Variants in POLA1 observed in about 807,000 individuals in gnomAD.
The protein encoded by POLA1 is DNA polymerase alpha catalytic subunit.
Under a neutral mutation model 124.0 loss-of-function variants are expected in POLA1, and 15 were observed. The observed-to-expected ratio is 0.12, with a 90% CI of 0.08 to 0.19. The LOEUF is 0.19. Among genes scored for constraint, POLA1 ranks in the 10% least tolerant of loss-of-function variants. POLA1 has a pLI of 1.00. For synonymous variants in POLA1, 408 were observed against 389.4 expected (o/e 1.05, Z -0.56); for missense variants, 886 against 1,103.4 (o/e 0.80, Z 2.79).
intron 18 of POLA1, among the ~76,000 whole-genome samples, 192 bp from the exon 19 acceptor site, chrX:24,737,433 A>G: frequency 8.9e-6 from 1 of 112,042 alleles, no homozygotes; most frequent in South Asian, 3.8e-4. Context: ...AGCCTTGTTA[A>G]TGTCAAGGCT....
chrX:24,867,117 T>C (rs1475718934), intron 34 of POLA1, among the ~76,000 whole-genome samples: 2 of 111,626 alleles, frequency 1.8e-5, no homozygotes, highest in Non-Finnish European at 3.8e-5. Context: ...AGTGATTTAT[T>C]GTTTTGACAT....
chrX:24,809,122 T>G (rs1002596204), intron 26 of POLA1, among the ~76,000 whole-genome samples: 7 of 111,112 alleles, frequency 6.3e-5, no homozygotes, highest in Admixed American at 3.8e-4. Flanking sequence ...ATGCACAAGG[T>G]GTTCCTTGCA....
intron 36 of POLA1, among the ~76,000 whole-genome samples, chrX:24,972,454 G>C (rs2048315508): frequency 9.0e-6 from 1 of 111,694 alleles, no homozygotes; most frequent in South Asian, 3.8e-4. Flanking sequence ...CATACCTAGA[G>C]TTTTAGATGT....
intron 34 of POLA1, among the ~76,000 whole-genome samples, chrX:24,855,386 AACAG>A (rs2046630253): frequency 1.8e-5 from 2 of 111,890 alleles, no homozygotes; most frequent in Non-Finnish European, 3.8e-5. Flanking sequence ...CAAGATACAG[AACAG>A]GGTCATACTT....
intron 26 of POLA1, among the ~76,000 whole-genome samples, chrX:24,803,322 A>G (rs781092881): frequency 9.0e-6 from 1 of 111,478 alleles, no homozygotes; most frequent in Non-Finnish European, 1.9e-5. Flanking sequence ...TACTCATACT[A>G]CTGATGAAAT....
At chrX:24,891,105 G>A (rs1365381445) in intron 35 of POLA1, among the ~76,000 whole-genome samples, 1 of 112,401 alleles carries the variant, frequency 8.9e-6, no homozygotes, top group Non-Finnish European at 1.9e-5. Context: ...GATACATTTC[G>A]AGGATGATGT....
At chrX:24,874,021 A>G (rs2046901509) in intron 34 of POLA1, among the ~76,000 whole-genome samples, 1 of 111,786 alleles carries the variant, frequency 8.9e-6, no homozygotes, top group Non-Finnish European at 1.9e-5. Context: ...AGTAGCATAG[A>G]TGTAGTATGT....
intron 36 of POLA1, among the ~76,000 whole-genome samples, chrX:24,955,630 C>G (rs893912515): frequency 6.2e-5 from 7 of 112,243 alleles, no homozygotes; most frequent in African/African-American, 2.3e-4. Flanking sequence ...CCCCATTGTT[C>G]ATAGCTTTAT....
intron 36 of POLA1, among the ~76,000 whole-genome samples, chrX:24,979,266 T>G (rs2048396971): frequency 8.9e-6 from 1 of 112,285 alleles, no homozygotes; most frequent in Non-Finnish European, 1.9e-5. Context: ...TGTTGCTGAC[T>G]GAGTCATACC....
intron 31 of POLA1, among the ~76,000 whole-genome samples, chrX:24,823,415 T>C (rs2046121026): frequency 9.1e-6 from 1 of 109,414 alleles, no homozygotes; most frequent in African/African-American, 3.3e-5. Flanking sequence ...TTTTTTTTTT[T>C]TTTTGAGATG....
chrX:24,805,964 A>G (rs1247518673), intron 26 of POLA1, among the ~76,000 whole-genome samples: 1 of 99,596 alleles, frequency 1.0e-5, no homozygotes, highest in African/African-American at 3.7e-5. Context: ...ACTTGTGGCT[A>G]TTTTTAAAAT....
At chrX:24,965,709 A>G in intron 36 of POLA1, among the ~76,000 whole-genome samples, 1 of 112,658 alleles carries the variant, frequency 8.9e-6, no homozygotes, top group South Asian at 3.7e-4. Context: ...TAAATATTGT[A>G]GAAATATACA....
chrX:24,911,196 TCAGA>T (rs1363487375), intron 35 of POLA1, among the ~76,000 whole-genome samples: 3 of 111,892 alleles, frequency 2.7e-5, no homozygotes, highest in Non-Finnish European at 5.6e-5. Flanking sequence ...AATGAAAATA[TCAGA>T]CAGTGAAAAA....
intron 34 of POLA1, among the ~76,000 whole-genome samples, chrX:24,880,185 G>A (rs1351181112): frequency 8.9e-6 from 1 of 111,878 alleles, no homozygotes; most frequent in Non-Finnish European, 1.9e-5. Context: ...AACAGTTTGG[G>A]AGTGCTCCAT....
intron 26 of POLA1, among the ~76,000 whole-genome samples, chrX:24,755,415 G>A (rs1932548842): frequency 9.0e-6 from 1 of 111,282 alleles, no homozygotes; most frequent in African/African-American, 3.3e-5. Context: ...GGTATGAAAG[G>A]GTATCTCATT....
intron 36 of POLA1, among the ~76,000 whole-genome samples, chrX:24,971,287 C>T (rs1413526004): frequency 4.5e-5 from 5 of 111,950 alleles, no homozygotes; most frequent in South Asian, 3.8e-4. Context: ...CCTGTGAAGC[C>T]GGGATGCCCC....
At chrX:24,884,080 G>A (rs1198024965) in intron 34 of POLA1, among the ~76,000 whole-genome samples, 1 of 111,549 alleles carries the variant, frequency 9.0e-6, no homozygotes, top group African/African-American at 3.3e-5. Context: ...ACAAAATTCA[G>A]TATGAGATCT....
At position 24,755,902 on chromosome X, in the gene POLA1, C is replaced by T. The variant is rs747654233; in HGVS notation, c.2964+6910C>T. Among the ~76,000 whole-genome samples the T allele has an allele frequency of 2.7e-5, 3 of 112,188 alleles. No homozygotes were observed. In the South Asian group the frequency reaches 1.1e-3, roughly 42 times the overall value. The stretch of plus-strand genomic sequence containing the variant: ...TTTGCTTCCTTGTAGAGTTATTGAA[C>T]GTTCCTGTATTGTTCCTGTATTCCA... On this transcript the variant is annotated intron_variant, in intron 26 of 36. Transcript: ENST00000379068.
At chrX:24,771,967 A>C (rs1212759482) in intron 26 of POLA1, among the ~76,000 whole-genome samples, 1 of 112,081 alleles carries the variant, frequency 8.9e-6, no homozygotes. Flanking sequence ...ATGCATATAC[A>C]TATGCACACG....
Sources: gnomAD v4.1 joint callset for allele counts (sites outside exome capture counted in the v4.1 genomes callset) on GRCh38, gnomAD v4.1.1 for gene constraint, MANE v1.5 for transcripts, NCBI Gene and HGNC (gene_info 2026-07-23, HGNC 2026-07-21) for gene names.